Variants in WDR72 observed in about 807,000 individuals in gnomAD.
WDR72 encodes the protein WD repeat domain 72, also known as WD repeat-containing protein 72.
In WDR72, 120 loss-of-function variants were observed where a neutral mutation model predicts 124.2. That is an observed-to-expected ratio of 0.97 (90% CI 0.83 to 1.12). The LOEUF (loss-of-function observed/expected upper bound fraction) is 1.12, where lower values mean the gene tolerates loss of function less well. Ranked by LOEUF, WDR72 falls within the 50% of genes most tolerant of loss-of-function variation. The probability of loss-of-function intolerance (pLI) is 0.00; values close to 1 mark genes in which losing one functional copy is unlikely to be tolerated. For synonymous variants in WDR72, 452 were observed against 441.7 expected (o/e 1.02, Z -0.29); for missense variants, 1,387 against 1,278.8 (o/e 1.08, Z -1.29).
rs1287882131 is a variant in WDR72 at position 53,514,857 on chromosome 15, G to A, written c.*2842C>T. ...AAGCACAGCAAGCACACACGGCCTGGACACGCTGCCGAGGAGCCTCTGCTT... is the reference window on the plus strand; with the variant it reads ...AAGCACAGCAAGCACACACGGCCTGAACACGCTGCCGAGGAGCCTCTGCTT... On this transcript the variant is annotated 3_prime_UTR_variant, in exon 20 of 20. Transcript: ENST00000360509. 6.6e-6 allele frequency: 1 copy of A among 151,848 alleles called. No homozygotes were observed. Among genetic ancestry groups the A allele is most frequent in the Admixed American group, 6.6e-5 (1 of 15,226 alleles). 9.4% of individuals were successfully genotyped at this position (151,848 alleles called of 1,614,324 possible).
At chr15:53,671,676 T>G (rs1486162770) in intron 13 of WDR72, among the ~76,000 whole-genome samples, 1 of 152,128 alleles carries the variant, frequency 6.6e-6, no homozygotes, top group Non-Finnish European at 1.5e-5. Flanking sequence ...AGGCCAACAC[T>G]GCGAAAAGTG....
At chr15:53,574,531 T>C (rs1350442502) in intron 18 of WDR72, among the ~76,000 whole-genome samples, 3 of 152,212 alleles carry the variant, frequency 2.0e-5, no homozygotes, top group Non-Finnish European at 4.4e-5. Flanking sequence ...GTAAAATATG[T>C]ATCTCAGAAC....
chr15:53,686,657 CAG>C (rs560114422), intron 13 of WDR72, among the ~76,000 whole-genome samples: 5,912 of 149,410 alleles, frequency 0.04, 428 homozygotes, highest in African/African-American at 0.14. Flanking sequence ...ATCAACGAGA[CAG>C]AAAGTCAACA....
At chr15:53,596,689 TATTTATGATTATAATAGGATCTAGAA>T (rs1555412049) in intron 18 of WDR72, among the ~76,000 whole-genome samples, 1 of 152,168 alleles carries the variant, frequency 6.6e-6, no homozygotes, top group Non-Finnish European at 1.5e-5. Context: ...TTCTAGCAAA[TATTTATGATTATAATAGGATCTAGAA>T]GTCCTTCAAA....
At chr15:53,698,423 T>C (rs1490572703) in intron 13 of WDR72, among the ~76,000 whole-genome samples, 1 of 152,224 alleles carries the variant, frequency 6.6e-6, no homozygotes, top group African/African-American at 2.4e-5. Flanking sequence ...CTTTGCTGCA[T>C]TCATTGATAA....
At chr15:53,670,534 G>T (rs2015949413) in intron 13 of WDR72, among the ~76,000 whole-genome samples, 1 of 152,290 alleles carries the variant, frequency 6.6e-6, no homozygotes, top group East Asian at 1.9e-4. Context: ...TGTCCAGGGG[G>T]ACAACAAGGA....
chr15:53,517,436 A>G lies in WDR72; in HGVS notation c.*263T>C, dbSNP rs1340219707. 3 of 430,186 alleles carry G rather than the reference A, an allele frequency of 7.0e-6. No individual in the cohort carries two copies. The highest frequency in any genetic ancestry group is 1.3e-5 in the Non-Finnish European group (3 of 233,902). 26.6% of individuals were successfully genotyped at this position (430,186 alleles called of 1,614,324 possible). On this transcript the variant is annotated 3_prime_UTR_variant, in exon 20 of 20. Transcript: ENST00000360509. ...TTCCCTGTTGGAAATATTAACAGAA[A>G]AAGTAAGAAACAGGAATAGAGAATG...
chr15:53,594,816 T>G (rs2012694069), intron 18 of WDR72, among the ~76,000 whole-genome samples: 1 of 139,794 alleles, frequency 7.2e-6, no homozygotes, highest in East Asian at 2.2e-4. Context: ...TCCTATCAAG[T>G]AAGGCACTAC....
intron 9 of WDR72, among the ~76,000 whole-genome samples, chr15:53,706,952 A>G (rs60458483): frequency 0.03 from 4,599 of 152,280 alleles, 174 homozygotes; most frequent in African/African-American, 0.087. Context: ...GCCTTCACTC[A>G]TGAATGCATT....
intron 14 of WDR72, among the ~76,000 whole-genome samples, chr15:53,657,089 C>T (rs1249044049): frequency 6.6e-6 from 1 of 151,094 alleles, no homozygotes; most frequent in Non-Finnish European, 1.5e-5. Flanking sequence ...ACAGTGAAAC[C>T]CCGTCTCTAC....
chr15:53,704,532 T>C (rs1333526693), intron 11 of WDR72, among the ~76,000 whole-genome samples: 2 of 150,748 alleles, frequency 1.3e-5, no homozygotes, highest in South Asian at 2.1e-4. Flanking sequence ...TTGGTTTTGG[T>C]TTTTTTTGAG....
intron 1 of WDR72, among the ~76,000 whole-genome samples, chr15:53,752,043 C>T (rs1258729088): frequency 1.3e-5 from 2 of 152,070 alleles, no homozygotes; most frequent in Admixed American, 1.3e-4. Flanking sequence ...AAACAATATT[C>T]CGATAAATGA....
intron 14 of WDR72, among the ~76,000 whole-genome samples, chr15:53,621,454 T>TATATATATATATATAC (rs2013990356): frequency 6.8e-6 from 1 of 147,606 alleles, no homozygotes; most frequent in African/African-American, 2.5e-5. Flanking sequence ...TATATATATA[T>TATATATATATATATAC]ATATGATAGA....
intron 1 of WDR72, chr15:53,756,897 G>C (rs1030787433): frequency 6.6e-6 from 1 of 152,244 alleles, no homozygotes; most frequent in Non-Finnish European, 1.5e-5. Context: ...TGGGGCAGAG[G>C]TGGTGGTCAG....
intron 13 of WDR72, among the ~76,000 whole-genome samples, chr15:53,668,233 T>C (rs1192601234): frequency 2.0e-5 from 3 of 152,220 alleles, no homozygotes; most frequent in Non-Finnish European, 2.9e-5. Context: ...ATAAAATAGT[T>C]TAAAAAATAA....
At chr15:53,609,712 A>G in intron 16 of WDR72, 120 bp from the exon 17 acceptor site, 1 of 787,428 alleles carries the variant, frequency 1.3e-6, no homozygotes, top group South Asian at 1.5e-5. Flanking sequence ...ACCAATGCCC[A>G]GGTTCAATCT....
intron 1 of WDR72, among the ~76,000 whole-genome samples, chr15:53,735,734 C>A (rs2018334707): frequency 6.6e-6 from 1 of 151,808 alleles, no homozygotes; most frequent in African/African-American, 2.4e-5. Flanking sequence ...TCAAGATAAA[C>A]CATGAGCAAA....
chr15:53,716,290 T>C (rs1455309503), intron 4 of WDR72, among the ~76,000 whole-genome samples: 1 of 152,222 alleles, frequency 6.6e-6, no homozygotes, highest in Non-Finnish European at 1.5e-5. Context: ...CAGCACATCA[T>C]TAAAACTGAA....
At chr15:53,737,331 T>C (rs906738579) in intron 1 of WDR72, among the ~76,000 whole-genome samples, 2 of 152,054 alleles carry the variant, frequency 1.3e-5, no homozygotes, top group African/African-American at 4.8e-5. Context: ...TCGGAATAAA[T>C]AATGTTAGCA....
Sources: allele counts gnomAD v4.1 joint callset (sites outside exome capture counted in the v4.1 genomes callset), GRCh38; gene constraint gnomAD v4.1.1; transcripts MANE v1.5; gene names NCBI Gene and HGNC (gene_info 2026-07-23, HGNC 2026-07-21).